SGMS1: variants seen among roughly 807,000 people sequenced by gnomAD.
The protein encoded by SGMS1 is phosphatidylcholine:ceramide cholinephosphotransferase 1.
A neutral mutation model predicts 46.2 loss-of-function variants in SGMS1; 13 were observed. That is an observed-to-expected ratio of 0.28 (90% confidence interval 0.18 to 0.45). The LOEUF (loss-of-function observed/expected upper bound fraction) is 0.45, where lower values mean the gene tolerates loss of function less well. Among genes scored for constraint, SGMS1 ranks in the 20% least tolerant of loss-of-function variants. The probability of loss-of-function intolerance (pLI) is 1.00; values close to 1 mark genes in which losing one functional copy is unlikely to be tolerated. For missense variants in SGMS1, 324 were observed against 519.9 expected (o/e 0.62, Z 3.66); for synonymous variants, 203 against 187.8 (o/e 1.08, Z -0.66).
At position 50,374,141 on chromosome 10, in the gene SGMS1, T is replaced by A. The variant is rs1194044904; in HGVS notation, c.-231-29796A>T. On this transcript the variant is annotated intron_variant, in intron 6 of 10. Coordinates refer to ENST00000361781, the MANE Select transcript of SGMS1 (RefSeq NM_147156.4). ...AATGACTGATTATATTAATATATAT[T>A]TACAAAAGCCAAATCACTGAATCAA... Among the ~76,000 whole-genome samples the A allele has an allele frequency of 2.6e-5, 4 of 152,284 alleles. No homozygotes were observed. The East Asian group carries it at 7.7e-4, about 29-fold the overall frequency.
intron 6 of SGMS1, among the ~76,000 whole-genome samples, chr10:50,369,634 C>T (rs571035906): frequency 6.7e-6 from 1 of 149,712 alleles, no homozygotes; most frequent in South Asian, 2.1e-4. Flanking sequence ...AAATGAAAGA[C>T]ATATTAAAAC....
chr10:50,570,220 A>C (rs1199544174), intron 2 of SGMS1, among the ~76,000 whole-genome samples: 1 of 152,208 alleles, frequency 6.6e-6, no homozygotes, highest in Non-Finnish European at 1.5e-5. Flanking sequence ...AAAAAGCCAC[A>C]CGACAAGCAT....
chr10:50,501,540 G>A (rs549735338), intron 3 of SGMS1, among the ~76,000 whole-genome samples: 30 of 151,962 alleles, frequency 2.0e-4, no homozygotes, highest in Admixed American at 2.0e-4. Flanking sequence ...TGATTCACAC[G>A]CAGACCAAAA....
intron 6 of SGMS1, among the ~76,000 whole-genome samples, chr10:50,414,382 TCTGC>T (rs1022569918): frequency 6.6e-6 from 1 of 152,198 alleles, no homozygotes. Context: ...AGAGCAAGAC[TCTGC>T]CTGAAAAAAC....
chr10:50,403,229 C>T (rs1378314914), intron 6 of SGMS1, among the ~76,000 whole-genome samples: 7 of 152,078 alleles, frequency 4.6e-5, no homozygotes, highest in Admixed American at 1.3e-4. Flanking sequence ...CAGAAAATTA[C>T]GTAAATTCAA....
At chr10:50,560,617 A>G (rs183003468) in intron 2 of SGMS1, among the ~76,000 whole-genome samples, 10 of 147,278 alleles carry the variant, frequency 6.8e-5, no homozygotes, top group African/African-American at 2.0e-4. Flanking sequence ...TACACAATAT[A>G]TGTAATATAG....
intron 1 of SGMS1, among the ~76,000 whole-genome samples, chr10:50,608,707 A>C (rs1838719309): frequency 6.6e-6 from 1 of 152,230 alleles, no homozygotes; most frequent in Non-Finnish European, 1.5e-5. Context: ...AGAGAAACAC[A>C]CCTGATATGA....
rs150204792 is a variant in SGMS1 at position 50,414,994 on chromosome 10, G to T, written c.-232+18482C>A. Among the ~76,000 whole-genome samples the T allele has an allele frequency of 2.0e-5, 3 of 152,338 alleles. No homozygotes were observed. The East Asian group carries it at 5.8e-4, about 29-fold the overall frequency. ...CGTTATTAAATGCTCTGATGCCGGCGCCTGTAGTCCCAGCTATTCAGGAGG... is the reference window on the plus strand; with the variant it reads ...CGTTATTAAATGCTCTGATGCCGGCTCCTGTAGTCCCAGCTATTCAGGAGG... On this transcript the variant is annotated intron_variant, in intron 6 of 10. Transcript: ENST00000361781.
chr10:50,532,345 C>G (rs922474741), intron 2 of SGMS1, among the ~76,000 whole-genome samples: 1 of 151,874 alleles, frequency 6.6e-6, no homozygotes, highest in South Asian at 2.1e-4. Flanking sequence ...GATAAGCTCT[C>G]TCATCCAAGA....
chr10:50,333,191 G>A (rs1019238620), intron 7 of SGMS1, among the ~76,000 whole-genome samples: 13 of 152,126 alleles, frequency 8.5e-5, no homozygotes, highest in African/African-American at 2.9e-4. Context: ...GTGAGAAGAC[G>A]CTCTTAAGAA....
intron 6 of SGMS1, among the ~76,000 whole-genome samples, chr10:50,383,515 G>A (rs541663157): frequency 6.6e-6 from 1 of 152,168 alleles, no homozygotes; most frequent in East Asian, 1.9e-4. Context: ...AGGAAAGTTT[G>A]GAAAAGGTGG....
intron 7 of SGMS1, among the ~76,000 whole-genome samples, chr10:50,334,113 T>C (rs1402547297): frequency 2.0e-5 from 3 of 152,190 alleles, no homozygotes; most frequent in East Asian, 1.9e-4. Flanking sequence ...TCCTGACTTA[T>C]ATACAGGTTG....
chr10:50,327,103 C>T, intron 8 of SGMS1, 102 bp downstream of exon 8: 1 of 678,898 alleles, frequency 1.5e-6, no homozygotes, highest in Non-Finnish European at 2.6e-6. Flanking sequence ...GGAGTGACTC[C>T]ACTGTATTCT....
intron 8 of SGMS1, among the ~76,000 whole-genome samples, chr10:50,321,824 G>A (rs972146008): frequency 6.6e-6 from 1 of 152,174 alleles, no homozygotes; most frequent in Non-Finnish European, 1.5e-5. Context: ...ACTGAAGAAG[G>A]CCATAACATC....
intron 7 of SGMS1, chr10:50,341,434 C>G (rs745806951): frequency 7.9e-5 from 36 of 455,982 alleles, no homozygotes; most frequent in South Asian, 5.6e-4. Flanking sequence ...TTCCCACATC[C>G]CTATCCCGCC....
chr10:50,448,012 C>T (rs1356585738), intron 5 of SGMS1, among the ~76,000 whole-genome samples: 1 of 152,212 alleles, frequency 6.6e-6, no homozygotes, highest in African/African-American at 2.4e-5. Flanking sequence ...ACTGTAGTGA[C>T]TCCCTCAAAA....
intron 6 of SGMS1, among the ~76,000 whole-genome samples, chr10:50,431,866 A>C (rs1849407733): frequency 6.6e-6 from 1 of 152,184 alleles, no homozygotes; most frequent in Non-Finnish European, 1.5e-5. Flanking sequence ...CAATACTAGC[A>C]CTTGGAGATC....
At chr10:50,621,891 C>G (rs1251109254) in intron 1 of SGMS1, among the ~76,000 whole-genome samples, 1 of 152,226 alleles carries the variant, frequency 6.6e-6, no homozygotes, top group African/African-American at 2.4e-5. Context: ...TGCTACCCAG[C>G]AGGTCACAGA....
intron 1 of SGMS1, among the ~76,000 whole-genome samples, chr10:50,598,576 G>A (rs1282215230): frequency 1.3e-5 from 2 of 152,328 alleles, no homozygotes; most frequent in African/African-American, 4.8e-5. Flanking sequence ...GGGGTGAAAT[G>A]TGAGGGTCAT....
Sources: gnomAD v4.1 joint callset for allele counts (sites outside exome capture counted in the v4.1 genomes callset) on GRCh38, gnomAD v4.1.1 for gene constraint, MANE v1.5 for transcripts, NCBI Gene and HGNC (gene_info 2026-07-23, HGNC 2026-07-21) for gene names.